PPP2R3A: variants seen among roughly 807,000 people sequenced by gnomAD.
PPP2R3A encodes the protein protein phosphatase 2 regulatory subunit B''alpha, also known as serine/threonine-protein phosphatase 2A regulatory subunit B'' subunit alpha.
A neutral mutation model predicts 106.9 loss-of-function variants in PPP2R3A; 80 were observed. The observed-to-expected ratio is 0.75, with a 90% CI of 0.62 to 0.90. PPP2R3A has a LOEUF of 0.90. Ranked by LOEUF, PPP2R3A falls within the 40% of genes least tolerant of loss-of-function variation. The pLI is 0.00. For missense variants in PPP2R3A, 1,386 were observed against 1,350.4 expected, an observed-to-expected ratio of 1.03 and a Z score of -0.41; for synonymous variants, 483 against 468.3, an observed-to-expected ratio of 1.03 and a Z score of -0.41.
rs932305540 is a variant in PPP2R3A at position 136,147,466 on chromosome 3, ATG to A, written c.*2304_*2305del. ...TATCACATTTTCAGGAATTATAAGAATGTGTTTTATTGTACTCCTTCCTTGGA... is the reference window on the plus strand; with the variant it reads ...TATCACATTTTCAGGAATTATAAGAATGTTTTATTGTACTCCTTCCTTGGA... On this transcript the variant is annotated 3_prime_UTR_variant, in exon 14 of 14. Transcript: ENST00000264977. 30 of 152,756 alleles carry A rather than the reference ATG, an allele frequency of 2.0e-4. No homozygotes were observed. Among genetic ancestry groups the A allele is most frequent in the African/African-American group, 6.3e-4 (26 of 41,572 alleles). The allele number at this position is 152,756 out of a possible 1,614,324, so 9.5% of individuals were successfully genotyped here. A position where few individuals can be genotyped will look rare whatever the true frequency, so the allele number is the denominator to read the frequency against.
intron 1 of PPP2R3A, among the ~76,000 whole-genome samples, chr3:135,999,471 G>T (rs2107784955): frequency 6.6e-6 from 1 of 152,252 alleles, no homozygotes; most frequent in East Asian, 1.9e-4. Context: ...GGCATCAATT[G>T]AATTATGGTC....
intron 5 of PPP2R3A, among the ~76,000 whole-genome samples, chr3:136,064,019 A>G (rs562146203): frequency 1.9e-4 from 29 of 151,768 alleles, no homozygotes; most frequent in South Asian, 8.4e-4. Context: ...AACCAACCCA[A>G]ATGTCCAGCA....
chr3:136,037,066 GT>G (rs1421417386), intron 3 of PPP2R3A, among the ~76,000 whole-genome samples: 1 of 152,194 alleles, frequency 6.6e-6, no homozygotes, highest in Non-Finnish European at 1.5e-5. Flanking sequence ...ATAAATGAAT[GT>G]TCTTATGGAT....
chr3:136,043,198 G>T (rs1186042239), intron 4 of PPP2R3A, among the ~76,000 whole-genome samples: 2 of 151,964 alleles, frequency 1.3e-5, no homozygotes, highest in Non-Finnish European at 2.9e-5. Context: ...GGTGGCTCAC[G>T]CCTGTAATCC....
chr3:136,134,727 A>G (rs1220836648), intron 13 of PPP2R3A, among the ~76,000 whole-genome samples: 1 of 151,996 alleles, frequency 6.6e-6, no homozygotes, highest in Admixed American at 6.6e-5. Context: ...CGTGTACTGT[A>G]TTACTTTAAC....
intron 6 of PPP2R3A, among the ~76,000 whole-genome samples, chr3:136,073,756 TCTC>T (rs1936513286): frequency 2.0e-5 from 3 of 152,226 alleles, no homozygotes; most frequent in Admixed American, 1.3e-4. Flanking sequence ...CTGGTTATCT[TCTC>T]CTCAGTGCCT....
chr3:136,038,798 C>T (rs1935165885), intron 3 of PPP2R3A, among the ~76,000 whole-genome samples: 1 of 152,204 alleles, frequency 6.6e-6, no homozygotes, highest in African/African-American at 2.4e-5. Context: ...ACAGCTTATA[C>T]AGCCAGAGTA....
chr3:136,017,839 G>T (rs1934331890), intron 2 of PPP2R3A, among the ~76,000 whole-genome samples: 1 of 152,180 alleles, frequency 6.6e-6, no homozygotes, highest in Admixed American at 6.5e-5. Flanking sequence ...CTGTCATCCA[G>T]ATTTTTATAG....
chr3:136,133,589 G>A (rs1203187481), intron 13 of PPP2R3A, among the ~76,000 whole-genome samples: 1 of 151,830 alleles, frequency 6.6e-6, no homozygotes, highest in Non-Finnish European at 1.5e-5. Flanking sequence ...ACATACATTT[G>A]GCTTATGAAT....
intron 5 of PPP2R3A, among the ~76,000 whole-genome samples, chr3:136,064,853 A>G (rs138062140): frequency 2.0e-5 from 3 of 152,340 alleles, no homozygotes; most frequent in Non-Finnish European, 4.4e-5. Flanking sequence ...CTGACATTCA[A>G]CCATATTTAT....
chr3:136,104,554 C>T (rs1406031284), intron 12 of PPP2R3A, among the ~76,000 whole-genome samples: 1 of 152,160 alleles, frequency 6.6e-6, no homozygotes, highest in Non-Finnish European at 1.5e-5. Flanking sequence ...GATCTGCCCA[C>T]CTAGGCCTCC....
chr3:136,081,716 G>A (rs1429949384), intron 7 of PPP2R3A, among the ~76,000 whole-genome samples: 3 of 152,152 alleles, frequency 2.0e-5, no homozygotes, highest in East Asian at 1.9e-4. Context: ...AGTACAGTGA[G>A]TCAGGGAAGA....
intron 2 of PPP2R3A, among the ~76,000 whole-genome samples, chr3:136,010,417 ATTTTTTTTTT>A (rs56962010): frequency 2.0e-5 from 1 of 51,004 alleles, no homozygotes; most frequent in Non-Finnish European, 3.5e-5. Context: ...CGCTCGGCTA[ATTTTTTTTTT>A]TTTTTTTTTT....
At chr3:136,061,338 G>A (rs1263717595) in intron 5 of PPP2R3A, among the ~76,000 whole-genome samples, 1 of 152,180 alleles carries the variant, frequency 6.6e-6, no homozygotes, top group Non-Finnish European at 1.5e-5. Context: ...GTTAAAAAGA[G>A]CCACTGAGGC....
chr3:136,069,370 A>G (rs1161850166), intron 5 of PPP2R3A, among the ~76,000 whole-genome samples: 7 of 152,162 alleles, frequency 4.6e-5, no homozygotes, highest in Non-Finnish European at 1.0e-4. Flanking sequence ...TGACACCAGT[A>G]GTTCAAGACC....
chr3:136,021,535 G>C (rs1234359893), intron 2 of PPP2R3A, among the ~76,000 whole-genome samples: 3 of 152,060 alleles, frequency 2.0e-5, no homozygotes, highest in African/African-American at 7.2e-5. Flanking sequence ...AAATTTGTAG[G>C]AAACAGTGGA....
chr3:136,120,919 TA>T (rs966325405), intron 13 of PPP2R3A, among the ~76,000 whole-genome samples: 1 of 151,146 alleles, frequency 6.6e-6, no homozygotes, highest in Non-Finnish European at 1.5e-5. Flanking sequence ...CTTAAAAAGT[TA>T]AAAAAAAATC....
At position 136,109,231 on chromosome 3, in the gene PPP2R3A, A is replaced by G. The variant is rs148396563; in HGVS notation, c.3329+2909A>G. Among the ~76,000 whole-genome samples, 61 of 152,316 alleles carry G rather than the reference A, an allele frequency of 4.0e-4. No individual in the cohort carries two copies. In the East Asian group the frequency reaches 0.011, roughly 28 times the overall value. ...AGCTGATAAGTTGGGGTTTAAGAAA[A>G]TTATAATAAGCTGTTACAAAACTAA... On this transcript the variant is annotated intron_variant, in intron 13 of 13. Coordinates refer to ENST00000264977, the MANE Select transcript of PPP2R3A (RefSeq NM_002718.5).
intron 10 of PPP2R3A, among the ~76,000 whole-genome samples, chr3:136,099,917 TAAAAAA>T (rs553102059): frequency 1.6e-5 from 2 of 125,224 alleles, no homozygotes; most frequent in South Asian, 5.1e-4. Context: ...TAACAGTTCT[TAAAAAA>T]AAAAAAAAAA....
Sources: gnomAD v4.1 joint callset for allele counts (sites outside exome capture counted in the v4.1 genomes callset) on GRCh38, gnomAD v4.1.1 for gene constraint, MANE v1.5 for transcripts, NCBI Gene and HGNC (gene_info 2026-07-23, HGNC 2026-07-21) for gene names.